The following XIST variants were observed in gnomAD, a reference collection of about 807,000 sequenced individuals.
XIST encodes the protein X inactive specific transcript.
At chrX:73,833,096 G>A (rs1433493293) in intron 3 of XIST, 1 of 426,583 alleles carries the variant, frequency 2.3e-6, no homozygotes, top group South Asian at 3.9e-5. Context: ...GGCCTCAAGT[G>A]ATCCCCCCAC....
chrX:73,823,213 C>T (rs769669408), exon 6 of XIST: 1 of 540,260 alleles, frequency 1.9e-6, no homozygotes, highest in Non-Finnish European at 3.3e-6. Flanking sequence ...TATCAGTCTC[C>T]TGGCTTTAAA....
At chrX:73,847,275 A>G in exon 1 of XIST, 1 of 555,583 alleles carries the variant, frequency 1.8e-6, no homozygotes. Flanking sequence ...ACTCTAACAT[A>G]GGGGCACATC....
intron 3 of XIST, among the ~76,000 whole-genome samples, chrX:73,832,453 CTTT>C (rs992604959): frequency 8.1e-5 from 9 of 111,741 alleles, no homozygotes; most frequent in African/African-American, 2.9e-4. Context: ...TCCTATTCCA[CTTT>C]TTAACAATTT....
chrX:73,850,756 G>A, exon 1 of XIST: 4 of 250,763 alleles, frequency 1.6e-5, no homozygotes, highest in Non-Finnish European at 3.0e-5. Context: ...AGTTGGGGGG[G>A]TTGGGGGGTG....
intron 2 of XIST, chrX:73,833,868 A>G (rs757319969): frequency 3.6e-5 from 4 of 111,899 alleles, no homozygotes; most frequent in African/African-American, 9.7e-5. Context: ...AGCACCCAGT[A>G]TGTTAAACCT....
intron 4 of XIST, among the ~76,000 whole-genome samples, chrX:73,830,583 G>A (rs968652968): frequency 3.6e-5 from 4 of 111,467 alleles, no homozygotes; most frequent in Non-Finnish European, 1.9e-5. Context: ...GTATTTATGC[G>A]GCTTCCATCA....
exon 6 of XIST, chrX:73,825,458 C>T: frequency 1.9e-6 from 1 of 529,385 alleles, no homozygotes; most frequent in Non-Finnish European, 3.4e-6. Flanking sequence ...TTTCAGGTCA[C>T]CTAGATATCA....
chrX:73,823,249 G>A (rs1922166266), exon 6 of XIST: 1 of 517,197 alleles, frequency 1.9e-6, no homozygotes, highest in African/African-American at 2.3e-5. Flanking sequence ...AGTGATTTGG[G>A]GGATTCCTGA....
exon 6 of XIST, chrX:73,827,929 C>T (rs1338577015): frequency 3.8e-6 from 2 of 524,762 alleles, no homozygotes; most frequent in Non-Finnish European, 6.8e-6. Flanking sequence ...GTAAGACACA[C>T]TTTAGATAGA....
chrX:73,850,724 G>A (rs1156560959), exon 1 of XIST: 3 of 251,483 alleles, frequency 1.2e-5, no homozygotes, highest in East Asian at 2.4e-4. Context: ...GGGGAGGTGG[G>A]GGGTGGGGGG....
exon 1 of XIST, chrX:73,842,493 A>C (rs187071447): frequency 1.8e-6 from 1 of 553,933 alleles, no homozygotes; most frequent in African/African-American, 2.2e-5. Context: ...AGGATCATTA[A>C]TAAATGAAAG....
At chrX:73,834,356 T>TTA (rs1922441203) in intron 2 of XIST, among the ~76,000 whole-genome samples, 1 of 112,914 alleles carries the variant, frequency 8.9e-6, no homozygotes, top group African/African-American at 3.2e-5. Flanking sequence ...GTATCTTGCT[T>TTA]TAGCATCAAA....
chrX:73,823,629 A>G, exon 6 of XIST: 1 of 558,831 alleles, frequency 1.8e-6, no homozygotes, highest in Non-Finnish European at 3.2e-6. Context: ...TTTTATCATC[A>G]GCACTTAAGA....
exon 1 of XIST, chrX:73,846,730 C>A (rs1291889169): frequency 1.8e-6 from 1 of 559,126 alleles, no homozygotes; most frequent in East Asian, 3.2e-5. Flanking sequence ...AATACAATCA[C>A]ACATATTGGG....
exon 6 of XIST, chrX:73,825,251 T>C (rs1394823115): frequency 1.8e-6 from 1 of 559,299 alleles, no homozygotes; most frequent in Non-Finnish European, 3.2e-6. Context: ...TACTCAAAAT[T>C]ACCAGAGCAG....
At chrX:73,848,238 T>C in exon 1 of XIST, 1 of 556,385 alleles carries the variant, frequency 1.8e-6, no homozygotes, top group South Asian at 2.3e-5. Context: ...ACAAAAGGAA[T>C]ATGAGGGGAT....
exon 6 of XIST, chrX:73,824,124 T>C (rs1337143300): frequency 1.9e-6 from 1 of 535,215 alleles, no homozygotes; most frequent in East Asian, 3.3e-5. Flanking sequence ...TTACAAATTA[T>C]AAATTGATTT....
At chrX:73,849,854 G>A (rs552372858) in exon 1 of XIST, 1 of 359,515 alleles carries the variant, frequency 2.8e-6, no homozygotes, top group African/African-American at 2.8e-5. Flanking sequence ...AGGGCTGGGG[G>A]GTTAGGGGAC....
chrX:73,829,023 C>T, intron 5 of XIST: 2 of 512,949 alleles, frequency 3.9e-6, no homozygotes. Context: ...GCTGTTATAA[C>T]AGTTCTGAAG....
Sources: gnomAD v4.1 joint callset for allele counts (sites outside exome capture counted in the v4.1 genomes callset) on GRCh38, gnomAD v4.1.1 for gene constraint, MANE v1.5 for transcripts, NCBI Gene and HGNC (gene_info 2026-07-23, HGNC 2026-07-21) for gene names.